BMP2K: variants seen among roughly 807,000 people sequenced by gnomAD.
The protein encoded by BMP2K is BMP2 inducible kinase, also known as BMP-2-inducible protein kinase.
Under a neutral mutation model 116.0 loss-of-function variants are expected in BMP2K, and 74 were observed. The observed-to-expected ratio is 0.64, with a 90% CI of 0.53 to 0.77. The LOEUF (loss-of-function observed/expected upper bound fraction) is 0.77. Ranked by LOEUF, BMP2K falls within the 30% of genes least tolerant of loss-of-function variation. The pLI, the probability that BMP2K is intolerant of heterozygous loss-of-function variation, is 0.00. For missense variants in BMP2K, 1,365 were observed against 1,403.6 expected, an observed-to-expected ratio of 0.97 and a Z score of 0.44; for synonymous variants, 486 against 502.5, an observed-to-expected ratio of 0.97 and a Z score of 0.44.
chr4:78,864,584 A>G (rs576920076), intron 9 of BMP2K, among the ~76,000 whole-genome samples: 12 of 151,942 alleles, frequency 7.9e-5, no homozygotes, highest in African/African-American at 2.9e-4. Context: ...CCTCTTGGAA[A>G]GATAGTTGTT....
In BMP2K at chr4:78,829,794, TCTC is replaced by T. The variant is rs150147250; in HGVS notation, c.297+3640_297+3642del. Among the ~76,000 whole-genome samples the T allele has an allele frequency of 9.6e-3, 854 of 89,124 alleles. 2 individuals carry two copies. Among genetic ancestry groups the T allele is most frequent in the African/African-American group, 0.023 (615 of 26,226 alleles). 58.5% of individuals were successfully genotyped at this position (89,124 alleles called of 152,430 possible). A position where few individuals can be genotyped will look rare whatever the true frequency, so the allele number is the denominator to read the frequency against. Reference sequence around the variant, plus strand: ...TCTTTTCTTTTCTTTTCTTTTCTCTTCTCTTCTCTTCTCTTCTCTTCTCTTCTC... The same window carrying T: ...TCTTTTCTTTTCTTTTCTTTTCTCTTTTCTCTTCTCTTCTCTTCTCTTCTC... On this transcript the variant is annotated intron_variant, in intron 2 of 15. Coordinates refer to ENST00000502613, the MANE Select transcript of BMP2K (RefSeq NM_198892.2).
rs190474829 is a variant in BMP2K, at chr4:78,796,146, G to A, written c.178+19425G>A. Among the ~76,000 whole-genome samples, 323 of 152,186 alleles carry A rather than the reference G, an allele frequency of 2.1e-3. 1 individual carries two copies. Among genetic ancestry groups the A allele is most frequent in the African/African-American group, 7.1e-3 (296 of 41,502 alleles). On this transcript the variant is annotated intron_variant, in intron 1 of 15. Coordinates refer to ENST00000502613, the MANE Select transcript of BMP2K (RefSeq NM_198892.2). ...GCAAAGACTTGGAACCAAGCCAAAT[G>A]TCCAACAATGATAGACTGGATTAAG...
chr4:78,783,935 A>G (rs1164035982), intron 1 of BMP2K, among the ~76,000 whole-genome samples: 2 of 152,238 alleles, frequency 1.3e-5, no homozygotes, highest in Admixed American at 1.3e-4. Context: ...CATGCTGGGC[A>G]GATTGAAAAG....
intron 3 of BMP2K, among the ~76,000 whole-genome samples, chr4:78,841,643 G>C (rs1388798955): frequency 1.3e-5 from 2 of 152,000 alleles, no homozygotes; most frequent in Non-Finnish European, 2.9e-5. Context: ...GCTGATCCCT[G>C]TCTGCCTTGC....
At chr4:78,814,222 T>G (rs191691605) in intron 1 of BMP2K, among the ~76,000 whole-genome samples, 9 of 152,348 alleles carry the variant, frequency 5.9e-5, no homozygotes, top group African/African-American at 1.9e-4. Context: ...TGGCATTTTC[T>G]TTTTCTCATG....
chr4:78,807,183 GC>G (rs1171946502), intron 1 of BMP2K, among the ~76,000 whole-genome samples: 1 of 151,972 alleles, frequency 6.6e-6, no homozygotes, highest in Non-Finnish European at 1.5e-5. Context: ...TTTTTTCCCT[GC>G]ATTTATTGAG....
intron 5 of BMP2K, 89 bp from the exon 6 acceptor site, chr4:78,847,098 TG>T (rs1731039131): frequency 1.5e-6 from 1 of 689,596 alleles, no homozygotes; most frequent in Non-Finnish European, 2.1e-6. Flanking sequence ...AGACTTTTTT[TG>T]TAGTGTTTTA....
At chr4:78,812,035 A>G (rs192501221) in intron 1 of BMP2K, among the ~76,000 whole-genome samples, 1 of 152,002 alleles carries the variant, frequency 6.6e-6, no homozygotes, top group Non-Finnish European at 1.5e-5. Flanking sequence ...GTGGAGTGGC[A>G]TGAACTCGGC....
At chr4:78,863,276 C>T (rs1320162761) in intron 9 of BMP2K, among the ~76,000 whole-genome samples, 1 of 151,932 alleles carries the variant, frequency 6.6e-6, no homozygotes, top group Non-Finnish European at 1.5e-5. Context: ...GTATACAAAG[C>T]TTAATATTAA....
At chr4:78,784,770 C>T (rs1291986665) in intron 1 of BMP2K, among the ~76,000 whole-genome samples, 9 of 152,164 alleles carry the variant, frequency 5.9e-5, no homozygotes, top group Non-Finnish European at 1.0e-4. Context: ...ACGCATCTAT[C>T]GGGGAAAAAT....
chr4:78,870,315 T>C (rs1732265805), intron 10 of BMP2K, among the ~76,000 whole-genome samples: 1 of 152,194 alleles, frequency 6.6e-6, no homozygotes, highest in Non-Finnish European at 1.5e-5. Context: ...GTCATTAACA[T>C]GTGCAAGACA....
chr4:78,894,003 A>G (rs1733574449), intron 15 of BMP2K, among the ~76,000 whole-genome samples: 1 of 152,234 alleles, frequency 6.6e-6, no homozygotes, highest in African/African-American at 2.4e-5. Context: ...GTCAATGAGC[A>G]GGAATATTTT....
chr4:78,877,781 G>A (rs1481371925), intron 13 of BMP2K, among the ~76,000 whole-genome samples: 1 of 152,150 alleles, frequency 6.6e-6, no homozygotes, highest in Non-Finnish European at 1.5e-5. Context: ...CAGTAGGTGT[G>A]TTCAAATCAG....
At chr4:78,866,710 G>A (rs1412695406) in intron 10 of BMP2K, among the ~76,000 whole-genome samples, 2 of 152,102 alleles carry the variant, frequency 1.3e-5, no homozygotes, top group Non-Finnish European at 2.9e-5. Context: ...GAGTGCAATA[G>A]CACGATCTCG....
intron 1 of BMP2K, among the ~76,000 whole-genome samples, chr4:78,800,665 T>G (rs917971719): frequency 5.3e-5 from 8 of 152,234 alleles, no homozygotes; most frequent in Non-Finnish European, 8.8e-5. Flanking sequence ...TAAATTGGAA[T>G]AGTTTAAACT....
chr4:78,896,412 T>C (rs1228292051), intron 15 of BMP2K, among the ~76,000 whole-genome samples: 2 of 152,236 alleles, frequency 1.3e-5, no homozygotes, highest in Admixed American at 6.5e-5. Flanking sequence ...TTAAAGTCTA[T>C]TGATAGCATT....
intron 15 of BMP2K, among the ~76,000 whole-genome samples, chr4:78,889,018 A>G (rs1412062087): frequency 3.9e-5 from 6 of 152,052 alleles, no homozygotes; most frequent in Admixed American, 6.5e-5. Context: ...TCAGGAGATC[A>G]AGACCATCCT....
At position 78,776,490 on chromosome 4, in the gene BMP2K, G is replaced by A. The variant is rs1185621715; in HGVS notation, c.-54G>A. On this transcript the variant is annotated 5_prime_UTR_variant, in exon 1 of 16. Transcript: ENST00000502613. Reference sequence around the variant, plus strand: ...TCGCGGACGCCCGGCTGCGCGCCGGGCCGGGGACTTGCCCTTGCACGCTCC... The same window carrying A: ...TCGCGGACGCCCGGCTGCGCGCCGGACCGGGGACTTGCCCTTGCACGCTCC... The A allele has an allele frequency of 1.8e-6, 2 of 1,118,258 alleles. No individual in the cohort carries two copies. Among genetic ancestry groups the A allele is most frequent in the East Asian group, 5.1e-5 (1 of 19,446 alleles). The allele number at this position is 1,118,258 out of a possible 1,614,324, so 69.3% of individuals were successfully genotyped here.
chr4:78,902,134 C>T (rs540707515), intron 15 of BMP2K, among the ~76,000 whole-genome samples: 160 of 152,156 alleles, frequency 1.1e-3, no homozygotes, highest in African/African-American at 3.4e-3. Context: ...ATAATAGTTA[C>T]GATATACTGA....
Sources: gnomAD v4.1 joint callset for allele counts (sites outside exome capture counted in the v4.1 genomes callset) on GRCh38, gnomAD v4.1.1 for gene constraint, MANE v1.5 for transcripts, NCBI Gene and HGNC (gene_info 2026-07-23, HGNC 2026-07-21) for gene names.